PRPS1: variants seen among roughly 807,000 people sequenced by gnomAD.
PRPS1 encodes phosphoribosyl pyrophosphate synthetase 1.
In PRPS1, 1 loss-of-function variant was observed where a neutral mutation model predicts 16.9. The observed-to-expected ratio is 0.06, with a 90% CI of 0.02 to 0.28. The LOEUF (loss-of-function observed/expected upper bound fraction) is 0.28, where lower values mean the gene tolerates loss of function less well. Among genes scored for constraint, PRPS1 ranks in the 10% least tolerant of loss-of-function variants. The probability of loss-of-function intolerance (pLI) is 1.00; values close to 1 mark genes in which losing one functional copy is unlikely to be tolerated. For synonymous variants in PRPS1, 70 were observed against 90.2 expected, an observed-to-expected ratio of 0.78 and a Z score of 1.27; for missense variants, 47 against 254.0, an observed-to-expected ratio of 0.19 and a Z score of 5.54.
rs374847355 is a variant in PRPS1 at position 107,642,505 on chromosome X, A to T, written c.530+15A>T. 5.0e-6 allele frequency: 6 copies of T among 1,211,051 alleles called. No homozygotes were observed. ...GGAGCTAAGAGGTATGGTTGAAATT[A>T]GTATTGTTCCCAATGTACTGGGAAA... On this transcript the variant is annotated intron_variant, in intron 4 of 6. Coordinates refer to ENST00000372435, the MANE Select transcript of PRPS1 (RefSeq NM_002764.4).
intron 1 of PRPS1, among the ~76,000 whole-genome samples, chrX:107,635,166 G>A (rs1015303775): frequency 8.9e-6 from 1 of 112,276 alleles, no homozygotes; most frequent in African/African-American, 3.2e-5. Context: ...TAAAAACATA[G>A]CAGAATAGCT....
At chrX:107,649,409 GT>G (rs1205624528) in intron 6 of PRPS1, among the ~76,000 whole-genome samples, 6 of 109,987 alleles carry the variant, frequency 5.5e-5, no homozygotes, top group Non-Finnish European at 1.1e-4. Flanking sequence ...CAAAGTCAGC[GT>G]TTTTTCTCAG....
At chrX:107,634,504 A>ATT (rs1347848969) in intron 1 of PRPS1, among the ~76,000 whole-genome samples, 1 of 108,758 alleles carries the variant, frequency 9.2e-6, no homozygotes. Flanking sequence ...AAGTGCTGGG[A>ATT]TTACAGGCGT....
At position 107,640,952 on chromosome X, in the gene PRPS1, A is replaced by C; in HGVS notation, c.357A>C (p.Ala119=). 1 of 1,212,005 alleles carries C rather than the reference A, an allele frequency of 8.3e-7. No individual in the cohort carries two copies. Among genetic ancestry groups the C allele is most frequent in the African/African-American group, 1.7e-5 (1 of 57,841 alleles). Residue 119 remains alanine, a synonymous_variant, in exon 3 of 7, where the codon GCA becomes GCC. Transcript: ENST00000372435. ...TTGTTGCAAATATGCTATCTGTAGC[A>C]GGTGCAGATCATATTATCACCATGG... ...AKLVANMLSV[A]GADHIITMDL...
chrX:107,637,161 G>A (rs899393110), intron 1 of PRPS1, among the ~76,000 whole-genome samples: 2 of 110,947 alleles, frequency 1.8e-5, no homozygotes, highest in African/African-American at 6.5e-5. Flanking sequence ...CAGGAGAGGT[G>A]ATTTTTTTTT....
At position 107,628,526 on chromosome X, in the gene PRPS1, G is replaced by A. The variant is rs989529177; in HGVS notation, c.-103G>A. On this transcript the variant is annotated 5_prime_UTR_variant, in exon 1 of 7. Coordinates refer to ENST00000372435, the MANE Select transcript of PRPS1 (RefSeq NM_002764.4). ...CCGGGCGGGAATGTAAGATGGCGGA[G>A]TAGCAACGCAAAGCGCTTGGTATTG... 2.4e-5 allele frequency: 29 copies of A among 1,186,026 alleles called. No individual in the cohort carries two copies. The highest frequency in any genetic ancestry group is 3.2e-5 in the Non-Finnish European group (28 of 875,650).
At chrX:107,637,031 C>A (rs1925456763) in intron 1 of PRPS1, among the ~76,000 whole-genome samples, 1 of 112,627 alleles carries the variant, frequency 8.9e-6, no homozygotes, top group Non-Finnish European at 1.9e-5. Context: ...TCTATATACA[C>A]ACATACACCT....
intron 1 of PRPS1, among the ~76,000 whole-genome samples, chrX:107,634,909 G>A (rs1380545798): frequency 9.5e-6 from 1 of 105,483 alleles, no homozygotes; most frequent in East Asian, 3.0e-4. Context: ...ACTTGATCTC[G>A]GTTCACTGCA....
chrX:107,643,541 T>C (rs1236897052), intron 4 of PRPS1, among the ~76,000 whole-genome samples: 1 of 111,670 alleles, frequency 9.0e-6, no homozygotes, highest in Non-Finnish European at 1.9e-5. Flanking sequence ...TGATGGAGTA[T>C]TTTACAATTG....
chrX:107,642,924 G>A (rs1197169488), intron 4 of PRPS1, among the ~76,000 whole-genome samples: 2 of 112,229 alleles, frequency 1.8e-5, no homozygotes, highest in Non-Finnish European at 3.8e-5. Flanking sequence ...AAGCAGGAAG[G>A]AAAGTAAAGT....
At chrX:107,640,266 C>A (rs1157699922) in intron 2 of PRPS1, among the ~76,000 whole-genome samples, 3 of 107,133 alleles carry the variant, frequency 2.8e-5, no homozygotes, top group Non-Finnish European at 5.7e-5. Context: ...TGCTTGAACC[C>A]AGGAGGCAGA....
chrX:107,648,694 A>G (rs2147686650), intron 6 of PRPS1, among the ~76,000 whole-genome samples: 1 of 109,922 alleles, frequency 9.1e-6, no homozygotes, highest in South Asian at 3.9e-4. Context: ...ATTACAGGTG[A>G]TGTCATTCTT....
In PRPS1 at chrX:107,650,442, G is replaced by A; in HGVS notation, c.*410G>A. The A allele has an allele frequency of 2.8e-6, 1 of 362,039 alleles. No homozygotes were observed. The highest frequency in any genetic ancestry group is 4.7e-6 in the Non-Finnish European group (1 of 212,517). The allele number at this position is 362,039 out of a possible 1,213,427, so 29.8% of individuals were successfully genotyped here. ...CCATGTGTGACCAGTTCTCCCCAAG[G>A]TCTATGCTAAATTATAGCAAGAGCC... On this transcript the variant is annotated 3_prime_UTR_variant, in exon 7 of 7. Transcript: ENST00000372435.
At chrX:107,640,858 A>G in intron 2 of PRPS1, 44 bp from the exon 3 acceptor site, 1 of 1,188,968 alleles carries the variant, frequency 8.4e-7, no homozygotes, top group South Asian at 1.8e-5. Flanking sequence ...TTGTTTTTCA[A>G]ATTGGCTTTT....
At chrX:107,632,933 AAGGCAG>A (rs1171376539) in intron 1 of PRPS1, among the ~76,000 whole-genome samples, 4 of 112,187 alleles carry the variant, frequency 3.6e-5, no homozygotes, top group African/African-American at 1.3e-4. Flanking sequence ...ACATTAAAAC[AAGGCAG>A]TATCACCTAG....
In PRPS1 at chrX:107,645,418, A is replaced by G; in HGVS notation, c.704+68A>G. ...TAGCAATTGCTGTCTGAATGTCTTC[A>G]GCCTGCTGATTCCTTTTGGAACCAA... On this transcript the variant is annotated intron_variant, in intron 5 of 6. Transcript: ENST00000372435. The G allele has an allele frequency of 1.4e-5, 17 of 1,173,889 alleles. 1 individual carries two copies. In the South Asian group the frequency reaches 2.7e-4, roughly 18 times the overall value.
At chrX:107,649,645 C>T (rs1274582003) in intron 6 of PRPS1, among the ~76,000 whole-genome samples, 2 of 110,739 alleles carry the variant, frequency 1.8e-5, no homozygotes, top group African/African-American at 6.6e-5. Flanking sequence ...TTAGTAGAGA[C>T]GGGGTTTCAT....
intron 1 of PRPS1, among the ~76,000 whole-genome samples, chrX:107,636,242 C>T (rs1925439453): frequency 9.1e-6 from 1 of 109,721 alleles, no homozygotes. Context: ...CCTGCCTCAG[C>T]CCCCTGAGTA....
At chrX:107,645,817 C>T (rs769128591) in intron 5 of PRPS1, among the ~76,000 whole-genome samples, 8 of 111,148 alleles carry the variant, frequency 7.2e-5, no homozygotes, top group Admixed American at 9.6e-5. Flanking sequence ...ACTGTTTTAC[C>T]GGCTGCTACT....
Sources: gnomAD v4.1 joint callset for allele counts (sites outside exome capture counted in the v4.1 genomes callset) on GRCh38, gnomAD v4.1.1 for gene constraint, MANE v1.5 for transcripts, NCBI Gene and HGNC (gene_info 2026-07-23, HGNC 2026-07-21) for gene names.